ENTHD1: variants seen among roughly 807,000 people sequenced by gnomAD.
ENTHD1 encodes the protein ENTH domain-containing protein 1.
A neutral mutation model predicts 39.1 loss-of-function variants in ENTHD1; 23 were observed. That is an observed-to-expected ratio of 0.59 (90% CI 0.42 to 0.83). The LOEUF is 0.83. Among genes scored for constraint, ENTHD1 ranks in the 40% least tolerant of loss-of-function variants. The probability of loss-of-function intolerance (pLI) is 0.00; values close to 1 mark genes in which losing one functional copy is unlikely to be tolerated. For missense variants in ENTHD1, 624 were observed against 705.4 expected (o/e 0.88, Z 1.31); for synonymous variants, 230 against 258.2 (o/e 0.89, Z 1.05).
chr22:39,783,692 A>ACT (rs939213395), intron 5 of ENTHD1, among the ~76,000 whole-genome samples: 8 of 152,144 alleles, frequency 5.3e-5, no homozygotes, highest in African/African-American at 1.9e-4. Context: ...AAACTGGATA[A>ACT]CTATAGGAAA....
intron 3 of ENTHD1, among the ~76,000 whole-genome samples, chr22:39,850,035 A>T (rs1457373413): frequency 2.0e-5 from 3 of 152,172 alleles, no homozygotes; most frequent in African/African-American, 7.2e-5. Context: ...ATTTAATGGT[A>T]TTTTGGTAAG....
At chr22:39,866,735 C>G (rs2066184968) in intron 2 of ENTHD1, among the ~76,000 whole-genome samples, 1 of 152,260 alleles carries the variant, frequency 6.6e-6, no homozygotes, top group Admixed American at 6.5e-5. Context: ...TTGTCCTTCA[C>G]AGCACTTCCA....
At chr22:39,855,965 C>T (rs1049063855) in intron 3 of ENTHD1, among the ~76,000 whole-genome samples, 2 of 152,180 alleles carry the variant, frequency 1.3e-5, no homozygotes, top group Non-Finnish European at 2.9e-5. Flanking sequence ...GCTACTTCTC[C>T]TGTCCCATTA....
intron 3 of ENTHD1, among the ~76,000 whole-genome samples, chr22:39,846,598 T>C (rs534670023): frequency 1.3e-5 from 2 of 152,266 alleles, no homozygotes; most frequent in South Asian, 4.1e-4. Flanking sequence ...TAGGTTTTCT[T>C]CTAGGTTTTT....
At chr22:39,817,975 T>G (rs2146643687) in intron 5 of ENTHD1, among the ~76,000 whole-genome samples, 2 of 152,310 alleles carry the variant, frequency 1.3e-5, no homozygotes, top group South Asian at 4.1e-4. Flanking sequence ...TGACACTCCT[T>G]CCTCCATGGA....
intron 2 of ENTHD1, chr22:39,876,052 T>C (rs2066286806): frequency 6.2e-7 from 1 of 1,613,830 alleles, no homozygotes; most frequent in African/African-American, 1.3e-5. Context: ...TGGGTCCTGC[T>C]ACTCTCAACC....
intron 5 of ENTHD1, among the ~76,000 whole-genome samples, chr22:39,794,422 T>C (rs1263172383): frequency 6.6e-6 from 1 of 152,210 alleles, no homozygotes; most frequent in African/African-American, 2.4e-5. Context: ...TTTTACTTCT[T>C]TTCCAATTTG....
chr22:39,776,557 C>T (rs560198930), intron 5 of ENTHD1, among the ~76,000 whole-genome samples: 1 of 152,284 alleles, frequency 6.6e-6, no homozygotes, highest in South Asian at 2.1e-4. Context: ...ACATGAGTCT[C>T]ATTAAAGCTG....
chr22:39,887,848 T>TTC lies in ENTHD1; in HGVS notation c.-102_-101dup. The TTC allele has an allele frequency of 1.3e-6, 1 of 760,010 alleles. No individual in the cohort carries two copies. Among genetic ancestry groups the TTC allele is most frequent in the Non-Finnish European group, 2.1e-6 (1 of 483,840 alleles). 47.1% of individuals were successfully genotyped at this position (760,010 alleles called of 1,614,324 possible). On this transcript the variant is annotated 5_prime_UTR_variant, in exon 2 of 7. Transcript: ENST00000325157. ...CTCTTGACAGGTAATTGGTCCCCAG[T>TTC]TCTGCTGCTCCCAAATACAAATAAT...
chr22:39,773,117 CAAAAAAAA>C (rs57398699), intron 5 of ENTHD1, among the ~76,000 whole-genome samples: 5 of 36,140 alleles, frequency 1.4e-4, no homozygotes, highest in South Asian at 2.3e-3. Flanking sequence ...GACCTCATCT[CAAAAAAAA>C]AAAAAAAAAA....
intron 3 of ENTHD1, among the ~76,000 whole-genome samples, chr22:39,861,109 T>C (rs1601649635): frequency 6.6e-6 from 1 of 152,220 alleles, no homozygotes; most frequent in Admixed American, 6.5e-5. Flanking sequence ...CTTAGAAAAC[T>C]GTACTCCTTC....
chr22:39,802,497 G>T (rs1045968464), intron 5 of ENTHD1, among the ~76,000 whole-genome samples: 2 of 152,172 alleles, frequency 1.3e-5, no homozygotes, highest in African/African-American at 2.4e-5. Context: ...TGGAATGAGG[G>T]TCTTATAACC....
At chr22:39,783,085 G>A (rs1464833867) in intron 5 of ENTHD1, among the ~76,000 whole-genome samples, 1 of 152,074 alleles carries the variant, frequency 6.6e-6, no homozygotes, top group African/African-American at 2.4e-5. Context: ...TAAAGCTGGA[G>A]GATGTAAAAT....
At chr22:39,807,387 T>C (rs942207946) in intron 5 of ENTHD1, among the ~76,000 whole-genome samples, 1 of 152,078 alleles carries the variant, frequency 6.6e-6, no homozygotes, top group Non-Finnish European at 1.5e-5. Context: ...TCACTTTCAC[T>C]CTCTAAAGTG....
chr22:39,864,451 C>T (rs1037326721), intron 2 of ENTHD1, among the ~76,000 whole-genome samples: 7 of 152,160 alleles, frequency 4.6e-5, no homozygotes, highest in Non-Finnish European at 1.0e-4. Flanking sequence ...ACTCTCTATT[C>T]CTTTATCCTG....
chr22:39,820,872 G>T, intron 5 of ENTHD1, 121 bp downstream of exon 5: 1 of 991,142 alleles, frequency 1.0e-6, no homozygotes, highest in Non-Finnish European at 1.5e-6. Context: ...ACCATGTTGT[G>T]GGTTGAATTT....
chr22:39,889,502 C>A (rs1282851125), intron 1 of ENTHD1, among the ~76,000 whole-genome samples: 2 of 152,160 alleles, frequency 1.3e-5, no homozygotes, highest in Non-Finnish European at 2.9e-5. Context: ...TGACGAACAT[C>A]CAGACCCAAC....
In ENTHD1 at chr22:39,749,354, T is replaced by C. The variant is rs557671793; in HGVS notation, c.1220-5071A>G. Among the ~76,000 whole-genome samples the C allele has an allele frequency of 1.1e-3, 168 of 152,362 alleles. 2 individuals are homozygous for C. Among genetic ancestry groups the C allele is most frequent in the Middle Eastern group, 0.01 (3 of 294 alleles). On this transcript the variant is annotated intron_variant, in intron 6 of 6. Transcript: ENST00000325157. ...TGTGTGATATTTGCACACCAATTAATGTTGGGCTTGCTTGAAGATAGCCCT... is the reference window on the plus strand; with the variant it reads ...TGTGTGATATTTGCACACCAATTAACGTTGGGCTTGCTTGAAGATAGCCCT...
At chr22:39,804,266 G>A (rs2065622935) in intron 5 of ENTHD1, among the ~76,000 whole-genome samples, 1 of 151,778 alleles carries the variant, frequency 6.6e-6, no homozygotes, top group South Asian at 2.1e-4. Flanking sequence ...TGGGAGGACT[G>A]TCTGAGTCCA....
Sources: allele counts gnomAD v4.1 joint callset (sites outside exome capture counted in the v4.1 genomes callset), GRCh38; gene constraint gnomAD v4.1.1; transcripts MANE v1.5; gene names NCBI Gene and HGNC (gene_info 2026-07-23, HGNC 2026-07-21).